MCU: variants seen among roughly 807,000 people sequenced by gnomAD.
MCU encodes calcium uniporter protein, mitochondrial.
MCU carries 12 observed loss-of-function variants against 45.2 expected under a neutral mutation model. That is an observed-to-expected ratio of 0.27 (90% CI 0.17 to 0.43). The LOEUF is 0.43. Among genes scored for constraint, MCU ranks in the 20% least tolerant of loss-of-function variants. The pLI is 1.00. For missense variants in MCU, 324 were observed against 436.7 expected, an observed-to-expected ratio of 0.74 and a Z score of 2.30; for synonymous variants, 160 against 165.1, an observed-to-expected ratio of 0.97 and a Z score of 0.24.
intron 1 of MCU, among the ~76,000 whole-genome samples, chr10:72,785,431 T>C (rs1022882672): frequency 2.0e-5 from 3 of 152,174 alleles, no homozygotes; most frequent in African/African-American, 7.2e-5. Context: ...ATGTGCATAA[T>C]AGAAATATAT....
chr10:72,873,228 C>T (rs942107747), intron 6 of MCU, among the ~76,000 whole-genome samples: 29 of 151,870 alleles, frequency 1.9e-4, no homozygotes, highest in Non-Finnish European at 3.7e-4. Flanking sequence ...CCGTCTTAGC[C>T]AGGATGGTCT....
chr10:72,822,893 C>T (rs1171585789), intron 1 of MCU, among the ~76,000 whole-genome samples: 1 of 152,006 alleles, frequency 6.6e-6, no homozygotes, highest in Non-Finnish European at 1.5e-5. Context: ...GAAATTGGAA[C>T]CCTCACTGTA....
At chr10:72,802,426 A>G (rs1467567631) in intron 1 of MCU, among the ~76,000 whole-genome samples, 1 of 151,978 alleles carries the variant, frequency 6.6e-6, no homozygotes, top group Non-Finnish European at 1.5e-5. Context: ...AAAAAAAAAA[A>G]AGATGAGTGA....
chr10:72,878,360 G>A (rs970030393), intron 6 of MCU, among the ~76,000 whole-genome samples: 4 of 151,916 alleles, frequency 2.6e-5, no homozygotes, highest in Non-Finnish European at 5.9e-5. Context: ...GGGCTCAAGC[G>A]ATCTGCCTGC....
At chr10:72,853,695 A>G (rs1175087994) in intron 2 of MCU, among the ~76,000 whole-genome samples, 4 of 152,210 alleles carry the variant, frequency 2.6e-5, no homozygotes, top group African/African-American at 9.6e-5. Context: ...AAATTGTTGA[A>G]AACCAGTGAT....
chr10:72,861,642 C>A (rs7899754), intron 4 of MCU: 2 of 377,694 alleles, frequency 5.3e-6, no homozygotes, highest in Admixed American at 3.4e-5. Context: ...CCACTATGCC[C>A]AGCCGCCAGG....
intron 6 of MCU, among the ~76,000 whole-genome samples, chr10:72,883,059 A>G (rs1845729254): frequency 1.3e-5 from 2 of 152,272 alleles, no homozygotes; most frequent in African/African-American, 4.8e-5. Flanking sequence ...GAAATGAAAT[A>G]CTGATACATG....
chr10:72,720,343 G>C (rs558621338), intron 1 of MCU, among the ~76,000 whole-genome samples: 1 of 152,214 alleles, frequency 6.6e-6, no homozygotes, highest in Admixed American at 6.5e-5. Flanking sequence ...AAGCTAGTAA[G>C]TGATGGAATT....
In MCU at chr10:72,793,536, C is replaced by A. The variant is rs146265739; in HGVS notation, c.151-40823C>A. ...AATTAGTATCAAAAACAACAACCAT[C>A]ATTTTATTATTATCTCTTAATAGTG... On this transcript the variant is annotated intron_variant, in intron 1 of 7. Coordinates refer to ENST00000373053, the MANE Select transcript of MCU (RefSeq NM_138357.3). Among the ~76,000 whole-genome samples, 681 of 152,132 alleles carry A rather than the reference C, an allele frequency of 4.5e-3. 4 individuals are homozygous for A. The highest frequency in any genetic ancestry group is 0.016 in the African/African-American group (645 of 41,490).
At chr10:72,739,284 ACCGTT>A (rs1285533199) in intron 1 of MCU, among the ~76,000 whole-genome samples, 1 of 152,198 alleles carries the variant, frequency 6.6e-6, no homozygotes, top group Non-Finnish European at 1.5e-5. Flanking sequence ...TTTGAGATAG[ACCGTT>A]CCTTTCAGTG....
rs572686513 is a variant in MCU, at chr10:72,863,924, A to G, written c.496+3397A>G. Among the ~76,000 whole-genome samples the G allele has an allele frequency of 1.8e-4, 28 of 152,262 alleles. No homozygotes were observed. The South Asian group carries it at 2.1e-3, about 11-fold the overall frequency. On this transcript the variant is annotated intron_variant, in intron 4 of 7. Transcript: ENST00000373053. ...AACCACCATGCCCTTCCTATTTTCT[A>G]TCGTTTACTACCATAAAATATATAC...
At chr10:72,862,271 G>A (rs908616091) in intron 4 of MCU, among the ~76,000 whole-genome samples, 10 of 152,144 alleles carry the variant, frequency 6.6e-5, no homozygotes, top group African/African-American at 1.2e-4. Context: ...GTGAGCCACC[G>A]CACCCGGCCG....
At chr10:72,769,885 G>A (rs1843780216) in intron 1 of MCU, among the ~76,000 whole-genome samples, 1 of 152,010 alleles carries the variant, frequency 6.6e-6, no homozygotes. Context: ...GTGTTAGGTC[G>A]GTGTTTTGGT....
intron 1 of MCU, among the ~76,000 whole-genome samples, chr10:72,693,923 CTG>C (rs916458147): frequency 6.6e-6 from 1 of 152,196 alleles, no homozygotes; most frequent in African/African-American, 2.4e-5. Flanking sequence ...GTTTTTAAGA[CTG>C]TTTGGGTGTG....
At position 72,869,621 on chromosome 10, in the gene MCU, TAAC is replaced by T. The variant is rs1323703519; in HGVS notation, c.657+761_657+763del. On this transcript the variant is annotated intron_variant, in intron 5 of 7. Coordinates refer to ENST00000373053, the MANE Select transcript of MCU (RefSeq NM_138357.3). ...AAACAAAAAAACAACAACAACAAAA[TAAC>T]AATACAACAACAAAAAAATACAAAT... 4.0e-5 allele frequency among the ~76,000 whole-genome samples: 6 copies of T among 151,838 alleles called. No homozygotes were observed. In the East Asian group the frequency reaches 9.7e-4, roughly 25 times the overall value.
intron 1 of MCU, among the ~76,000 whole-genome samples, chr10:72,792,675 C>T (rs1589462339): frequency 6.6e-6 from 1 of 151,416 alleles, no homozygotes; most frequent in Non-Finnish European, 1.5e-5. Context: ...ATGCTTGCCC[C>T]ACCCCCAATA....
chr10:72,878,517 G>C (rs1564582591), intron 6 of MCU, among the ~76,000 whole-genome samples: 1 of 152,118 alleles, frequency 6.6e-6, no homozygotes, highest in Non-Finnish European at 1.5e-5. Context: ...AAGGACTCCA[G>C]ATATTGGTAT....
intron 2 of MCU, among the ~76,000 whole-genome samples, chr10:72,838,310 G>C (rs1399160581): frequency 6.6e-6 from 1 of 151,942 alleles, no homozygotes; most frequent in Non-Finnish European, 1.5e-5. Flanking sequence ...TACTCAATTT[G>C]CCTTGTATTA....
chr10:72,823,376 C>T (rs1255032108), intron 1 of MCU, among the ~76,000 whole-genome samples: 2 of 152,186 alleles, frequency 1.3e-5, no homozygotes, highest in African/African-American at 4.8e-5. Context: ...GGTCTCTCAA[C>T]TGTGTAAAGT....
Sources: allele counts gnomAD v4.1 joint callset (sites outside exome capture counted in the v4.1 genomes callset), GRCh38; gene constraint gnomAD v4.1.1; transcripts MANE v1.5; gene names NCBI Gene and HGNC (gene_info 2026-07-23, HGNC 2026-07-21).